The following TRPS1 variants were observed in gnomAD, a reference collection of about 807,000 sequenced individuals.
TRPS1 encodes zinc finger transcription factor Trps1.
In TRPS1, 6 loss-of-function variants were observed where a neutral mutation model predicts 101.2. That is an observed-to-expected ratio of 0.06 (90% CI 0.03 to 0.12). The LOEUF is 0.12. Ranked by LOEUF, TRPS1 falls within the 10% of genes least tolerant of loss-of-function variation. The pLI is 1.00. For synonymous variants in TRPS1, 578 were observed against 589.8 expected, an observed-to-expected ratio of 0.98 and a Z score of 0.29; for missense variants, 1,363 against 1,567.0, an observed-to-expected ratio of 0.87 and a Z score of 2.20.
At chr8:115,667,030 A>T (rs1811937915) in intron 1 of TRPS1, among the ~76,000 whole-genome samples, 1 of 152,238 alleles carries the variant, frequency 6.6e-6, no homozygotes, top group Non-Finnish European at 1.5e-5. Context: ...CATAAGAATG[A>T]ATATTCTATC....
intron 3 of TRPS1, among the ~76,000 whole-genome samples, chr8:115,610,194 A>C (rs1239130498): frequency 6.6e-6 from 1 of 152,172 alleles, no homozygotes; most frequent in Non-Finnish European, 1.5e-5. Context: ...AGAGAACTTG[A>C]GGTTATGGGC....
intron 5 of TRPS1, among the ~76,000 whole-genome samples, chr8:115,492,718 T>G (rs1815058213): frequency 6.6e-6 from 1 of 152,076 alleles, no homozygotes; most frequent in Non-Finnish European, 1.5e-5. Context: ...ACAAAGTGTT[T>G]TTTGTTTCTG....
At chr8:115,435,934 A>G (rs1434621991) in intron 5 of TRPS1, among the ~76,000 whole-genome samples, 1 of 151,952 alleles carries the variant, frequency 6.6e-6, no homozygotes, top group Non-Finnish European at 1.5e-5. Context: ...AAGAAAGCAG[A>G]CATGTCTCGA....
chr8:115,512,637 C>CTA (rs957967471), intron 5 of TRPS1, among the ~76,000 whole-genome samples: 59 of 150,608 alleles, frequency 3.9e-4, no homozygotes, highest in East Asian at 1.2e-3. Context: ...CCACCAACTA[C>CTA]TATATATATA....
intron 3 of TRPS1, among the ~76,000 whole-genome samples, chr8:115,613,605 T>C (rs912128771): frequency 2.0e-5 from 3 of 152,362 alleles, no homozygotes; most frequent in African/African-American, 4.8e-5. Context: ...TCTCTACTTA[T>C]GCAACTCTGT....
At chr8:115,450,990 T>G (rs1813856825) in intron 5 of TRPS1, among the ~76,000 whole-genome samples, 1 of 152,130 alleles carries the variant, frequency 6.6e-6, no homozygotes, top group Non-Finnish European at 1.5e-5. Flanking sequence ...ACCCCAAAAG[T>G]GTACAAAAGG....
In TRPS1 at chr8:115,660,051, C is replaced by A. The variant is rs528899982; in HGVS notation, c.-122+8494G>T. Among the ~76,000 whole-genome samples the A allele has an allele frequency of 4.6e-5, 7 of 152,008 alleles. No individual in the cohort carries two copies. The South Asian group carries it at 1.5e-3, about 32-fold the overall frequency. ...TTCCACTTCTGCATAGCTCAGAGAG[C>A]AAAAGCTAACACTAGATTAGTAATG... On this transcript the variant is annotated intron_variant, in intron 1 of 6. Coordinates refer to ENST00000395715, the MANE Select transcript of TRPS1 (RefSeq NM_014112.5).
intron 4 of TRPS1, among the ~76,000 whole-genome samples, chr8:115,590,751 T>A (rs138519285): frequency 1.3e-5 from 2 of 152,220 alleles, no homozygotes; most frequent in African/African-American, 4.8e-5. Context: ...TTTCCTCATC[T>A]GCAAAATGAA....
intron 4 of TRPS1, 108 bp from the exon 5 acceptor site, chr8:115,587,712 G>C (rs992238450): frequency 6.7e-5 from 106 of 1,570,596 alleles, no homozygotes; most frequent in Non-Finnish European, 8.6e-5. Flanking sequence ...CAATATAGTA[G>C]GTAGAAAGAA....
At position 115,414,322 on chromosome 8, in the gene TRPS1, C is replaced by T; in HGVS notation, c.3586G>A (p.Glu1196Lys). 1 of 1,613,948 alleles carries T rather than the reference C, an allele frequency of 6.2e-7. No homozygotes were observed. The highest frequency in any genetic ancestry group is 8.5e-7 in the Non-Finnish European group (1 of 1,179,950). The change falls in exon 7 of 7, where the codon GAG becomes AAG. Residue 1196 changes from glutamate (E) to lysine (K), a missense_variant. Glu to Lys is a moderately conservative substitution (Grantham distance 56). Around this residue, in one of 5 missense-constraint regions of TRPS1, gnomAD observed 307 missense variants for 392.4 expected, o/e 0.78. Coordinates refer to ENST00000395715, the MANE Select transcript of TRPS1 (RefSeq NM_014112.5). The surrounding 1 kb of genome is among the most constrained non-coding windows in gnomAD (Gnocchi z 4.8). ...ACATTTGGTGGTGCCTTCGTTTTCT[C>T]CTTGGAGGCACCGTTTGCAGTTGGC... ...PGPTANGASK[E>K]KTKAPPNVKN...
intron 4 of TRPS1, among the ~76,000 whole-genome samples, chr8:115,601,281 T>A (rs192188143): frequency 6.6e-4 from 100 of 152,324 alleles, no homozygotes; most frequent in Admixed American, 2.6e-3. Flanking sequence ...ACAAATTAAA[T>A]TATAAAGATA....
At chr8:115,563,564 C>A (rs1248822354) in intron 5 of TRPS1, among the ~76,000 whole-genome samples, 5 of 152,068 alleles carry the variant, frequency 3.3e-5, no homozygotes, top group Non-Finnish European at 5.9e-5. Context: ...AAGAGAAACA[C>A]TATCTTAGAG....
At chr8:115,552,140 C>CA (rs1816719747) in intron 5 of TRPS1, among the ~76,000 whole-genome samples, 1 of 151,946 alleles carries the variant, frequency 6.6e-6, no homozygotes, top group African/African-American at 2.4e-5. Context: ...TTAACACTGT[C>CA]AAAAAAATAA....
At chr8:115,581,682 C>T (rs1817456172) in intron 5 of TRPS1, among the ~76,000 whole-genome samples, 1 of 152,098 alleles carries the variant, frequency 6.6e-6, no homozygotes, top group Non-Finnish European at 1.5e-5. Flanking sequence ...CAACTTTCTA[C>T]TGTCAAAAAT....
At chr8:115,596,392 T>A (rs976546225) in intron 4 of TRPS1, among the ~76,000 whole-genome samples, 2 of 152,056 alleles carry the variant, frequency 1.3e-5, no homozygotes, top group South Asian at 2.1e-4. Flanking sequence ...ATGCATTTTT[T>A]AATTTTAAAG....
At chr8:115,514,586 T>G (rs954272221) in intron 5 of TRPS1, among the ~76,000 whole-genome samples, 1 of 151,632 alleles carries the variant, frequency 6.6e-6, no homozygotes, top group East Asian at 1.9e-4. Flanking sequence ...TAATGAATTA[T>G]TTTAAAAATT....
intron 4 of TRPS1, among the ~76,000 whole-genome samples, chr8:115,588,909 G>A (rs1421326749): frequency 1.3e-5 from 2 of 152,170 alleles, no homozygotes; most frequent in Non-Finnish European, 2.9e-5. Flanking sequence ...CTGCTGCTTA[G>A]AGTCTCGTCA....
At chr8:115,426,894 CTGACAATAGTTCTT>C (rs1366474794) in intron 5 of TRPS1, among the ~76,000 whole-genome samples, 3 of 152,120 alleles carry the variant, frequency 2.0e-5, no homozygotes, top group South Asian at 4.1e-4. Context: ...AAGTACAAAA[CTGACAATAGTTCTT>C]TGACTTATCT....
chr8:115,593,045 T>C (rs1817712617), intron 4 of TRPS1, among the ~76,000 whole-genome samples: 1 of 152,106 alleles, frequency 6.6e-6, no homozygotes, highest in Non-Finnish European at 1.5e-5. Context: ...CTTGAACTCC[T>C]GGGCTCAAGG....
Sources: gnomAD v4.1 joint callset for allele counts (sites outside exome capture counted in the v4.1 genomes callset) on GRCh38, gnomAD v4.1.1 for gene constraint, gnomAD v4.1.1 regional missense constraint, Gnocchi (gnomAD v3.1) non-coding constraint, MANE v1.5 for transcripts, NCBI Gene and HGNC (gene_info 2026-07-23, HGNC 2026-07-21) for gene names.